Variants in MAP3K12 observed in about 807,000 individuals in gnomAD.
MAP3K12 encodes the protein MAPK-upstream kinase.
A neutral mutation model predicts 87.5 loss-of-function variants in MAP3K12; 14 were observed. The ratio of observed to expected loss-of-function variants is 0.16; its 90% CI spans 0.11 to 0.25. The LOEUF (loss-of-function observed/expected upper bound fraction) is 0.25, where lower values mean the gene tolerates loss of function less well. MAP3K12 is among the 10% of genes least tolerant of loss of function. The pLI, the probability that MAP3K12 is intolerant of heterozygous loss-of-function variation, is 1.00. For synonymous variants in MAP3K12, 469 were observed against 452.5 expected, an observed-to-expected ratio of 1.04 and a Z score of -0.46; for missense variants, 802 against 1,140.4, an observed-to-expected ratio of 0.70 and a Z score of 4.27.
chr12:53,488,788 T>C (rs1457864662), intron 1 of MAP3K12, among the ~76,000 whole-genome samples: 1 of 151,860 alleles, frequency 6.6e-6, no homozygotes, highest in African/African-American at 2.4e-5. Context: ...GCTCAAGAGT[T>C]TGAGACCTTG....
Position 53,485,999 on chromosome 12 carries a change from A to T in MAP3K12, c.821+57T>A, listed in dbSNP as rs534872896. The T allele has an allele frequency of 1.5e-4, 235 of 1,518,206 alleles. 1 individual carries two copies. The African/African-American group carries it at 2.5e-3, about 16-fold the overall frequency. 94.0% of individuals were successfully genotyped at this position (1,518,206 alleles called of 1,614,324 possible). A position where few individuals can be genotyped will look rare whatever the true frequency, so the allele number is the denominator to read the frequency against. On this transcript the variant is annotated intron_variant, in intron 4 of 13. Coordinates refer to ENST00000547488, the MANE Select transcript of MAP3K12 (RefSeq NM_001193511.2). ...GGTTTGGAAGCCGGGAGAAGGCCAC[A>T]CTGACTTGAGTGGGTCACCTGCATG...
rs763521740 is a variant in MAP3K12, at chr12:53,482,040, C to T, written c.2481G>A (p.Gln827=). The change falls in exon 13 of 14, where the codon CAG becomes CAA. Residue 827 remains glutamine (Q), a synonymous_variant. Transcript: ENST00000547488. ...PDERSDDMCS[Q]GSEIPLDPPP... is the part of the protein sequence containing the mutation. Reference sequence around the variant, plus strand: ...GTGGGTCCAGTGGGATTTCTGAGCCCTGGGAGCACATGTCATCAGACCGCT... The same window carrying T: ...GTGGGTCCAGTGGGATTTCTGAGCCTTGGGAGCACATGTCATCAGACCGCT... 1.2e-6 allele frequency: 2 copies of T among 1,614,046 alleles called. No homozygotes were observed. The highest frequency in any genetic ancestry group is 8.5e-7 in the Non-Finnish European group (1 of 1,180,036).
chr12:53,480,355 C>T lies in MAP3K12; in HGVS notation c.*827G>A, dbSNP rs1942969812. On this transcript the variant is annotated 3_prime_UTR_variant, in exon 14 of 14. Coordinates refer to ENST00000547488, the MANE Select transcript of MAP3K12 (RefSeq NM_001193511.2). The stretch of plus-strand genomic sequence containing the variant: ...GAAAGTTGGGGCTTGACATTATACT[C>T]ATTTAGTGAGAGTAGATGCAAAAAA... 1 of 152,284 alleles carries T rather than the reference C, an allele frequency of 6.6e-6. No homozygotes were observed. Among genetic ancestry groups the T allele is most frequent in the South Asian group, 2.1e-4 (1 of 4,824 alleles). 9.4% of individuals were successfully genotyped at this position (152,284 alleles called of 1,614,324 possible).
chr12:53,488,786 G>A (rs986042748), intron 1 of MAP3K12, among the ~76,000 whole-genome samples: 1 of 152,104 alleles, frequency 6.6e-6, no homozygotes, highest in Non-Finnish European at 1.5e-5. Context: ...GAGCTCAAGA[G>A]TTTGAGACCT....
Position 53,480,174 on chromosome 12 carries a change from G to C in MAP3K12, c.*1008C>G, listed in dbSNP as rs771734700. 6.6e-5 allele frequency: 10 copies of C among 152,186 alleles called. No homozygotes were observed. The highest frequency in any genetic ancestry group is 1.5e-4 in the Non-Finnish European group (10 of 68,036). The allele number at this position is 152,186 out of a possible 1,614,324, so 9.4% of individuals were successfully genotyped here. A position where few individuals can be genotyped will look rare whatever the true frequency, so the allele number is the denominator to read the frequency against. ...ACATTAAGCAGTTGATCATATGTCT[G>C]ACTGGGTTCCAGTTTCTTGGGAATG... On this transcript the variant is annotated 3_prime_UTR_variant, in exon 14 of 14. Coordinates refer to ENST00000547488, the MANE Select transcript of MAP3K12 (RefSeq NM_001193511.2).
chr12:53,491,301 A>AAAAAAAAAAAAAAG (rs796169121), intron 1 of MAP3K12, among the ~76,000 whole-genome samples: 1,517 of 101,258 alleles, frequency 0.015, 150 homozygotes, highest in African/African-American at 0.037. Context: ...AAAAAAAAAA[A>AAAAAAAAAAAAAAG]AAAAGAAAAG....
At position 53,484,032 on chromosome 12, in the gene MAP3K12, G is replaced by A. The variant is rs777608401; in HGVS notation, c.1249-12C>T. 4 of 1,612,490 alleles carry A rather than the reference G, an allele frequency of 2.5e-6. No homozygotes were observed. The South Asian group carries it at 4.4e-5, about 18-fold the overall frequency. On this transcript the variant is annotated splice_polypyrimidine_tract_variant and intron_variant, in intron 7 of 13. Coordinates refer to ENST00000547488, the MANE Select transcript of MAP3K12 (RefSeq NM_001193511.2). Reference sequence around the variant, plus strand: ...TCCCGCCACTCTGCCTATGGGTTGAGAGCAGATGAAGAGTGAGAGCCATCC... The same window carrying A: ...TCCCGCCACTCTGCCTATGGGTTGAAAGCAGATGAAGAGTGAGAGCCATCC...
intron 1 of MAP3K12, among the ~76,000 whole-genome samples, chr12:53,491,007 G>A (rs985436013): frequency 5.9e-5 from 9 of 152,016 alleles, no homozygotes; most frequent in African/African-American, 1.9e-4. Context: ...GAAGGCTTAC[G>A]GCTGGGCGTA....
chr12:53,487,285 C>T lies in MAP3K12; in HGVS notation c.107G>A (p.Cys36Tyr). ...AGGCGTCAGGTCCTTCTCGGGAGTG[C>T]AGTCAGAAGTGTCTGGGTCCAGCTT... Reference protein sequence around the residue: ...MRKLDPDTSDCTPEKDLTPTQ... With the variant: ...MRKLDPDTSDYTPEKDLTPTQ... Residue 36 changes from cysteine to tyrosine, a missense_variant, in exon 2 of 14, where the codon TGC becomes TAC. This residue lies in a region of MAP3K12 where 135 missense variants were observed against 151.6 expected (regional missense o/e 0.89). Coordinates refer to ENST00000547488, the MANE Select transcript of MAP3K12 (RefSeq NM_001193511.2). 1 of 1,613,986 alleles carries T rather than the reference C, an allele frequency of 6.2e-7. No homozygotes were observed. The highest frequency in any genetic ancestry group is 8.5e-7 in the Non-Finnish European group (1 of 1,179,980).
At chr12:53,501,478 C>T (rs1383155468), upstream of MAP3K12, 3 of 1,560,824 alleles carry the variant, frequency 1.9e-6, no homozygotes, top group East Asian at 7.2e-5. Context: ...CGTCTCGTAC[C>T]GATTCCTTCA....
At chr12:53,501,414 T>G, upstream of MAP3K12, 4 of 1,565,118 alleles carry the variant, frequency 2.6e-6, no homozygotes, top group Non-Finnish European at 3.5e-6. Flanking sequence ...AGGGAATGAG[T>G]GAAGAGGAGC....
chr12:53,483,108 C>T lies in MAP3K12; in HGVS notation c.1695G>A (p.Lys565=), dbSNP rs1288812112. 6 of 1,523,748 alleles carry T rather than the reference C, an allele frequency of 3.9e-6. No individual in the cohort carries two copies. The highest frequency in any genetic ancestry group is 1.4e-5 in the African/African-American group (1 of 71,722). 94.4% of individuals were successfully genotyped at this position (1,523,748 alleles called of 1,614,324 possible). ...LSGVGLPGCP[K]GPPSPGRSRR... is the part of the protein sequence containing the mutation. ...GACTCCGTCCTGGTGAGGGGGGGCCCTTAGGACACCCAGGAAGCCCCACCC... is the reference window on the plus strand; with the variant it reads ...GACTCCGTCCTGGTGAGGGGGGGCCTTTAGGACACCCAGGAAGCCCCACCC... The change falls in exon 11 of 14, where the codon AAG becomes AAA. Residue 565 remains lysine (K), a synonymous_variant. Coordinates refer to ENST00000547488, the MANE Select transcript of MAP3K12 (RefSeq NM_001193511.2).
In MAP3K12 at chr12:53,491,344, T is replaced by A. The variant is rs1943398320; in HGVS notation, c.-37-3916A>T. 2.0e-5 allele frequency among the ~76,000 whole-genome samples: 3 copies of A among 150,144 alleles called. No homozygotes were observed. The South Asian group carries it at 6.3e-4, about 32-fold the overall frequency. On this transcript the variant is annotated intron_variant, in intron 1 of 13. Coordinates refer to ENST00000547488, the MANE Select transcript of MAP3K12 (RefSeq NM_001193511.2). ...AAACAGGCTTACTAAGTATGTTAGC[T>A]TCTGGTAAAGGTGCATTAGCACTTT...
chr12:53,485,702 C>T, intron 4 of MAP3K12: 1 of 557,674 alleles, frequency 1.8e-6, no homozygotes, highest in Non-Finnish European at 3.2e-6. Flanking sequence ...ACTACGGGCA[C>T]TCGCCACCAC....
chr12:53,484,952 CTT>C, intron 6 of MAP3K12, 102 bp downstream of exon 6: 2 of 1,433,068 alleles, frequency 1.4e-6, no homozygotes, highest in Non-Finnish European at 1.9e-6. Flanking sequence ...AAGTCAGTCT[CTT>C]TGAATTAAAT....
upstream of MAP3K12, chr12:53,500,117 C>A (rs1300769557): frequency 6.6e-6 from 1 of 152,256 alleles, no homozygotes; most frequent in Non-Finnish European, 1.5e-5. Flanking sequence ...GGACCTCCAA[C>A]CCCGGCTCAG....
rs762762233 is a variant in MAP3K12 at position 53,482,862 on chromosome 12, C to T, written c.1941G>A (p.Leu647=). 4.3e-6 allele frequency: 7 copies of T among 1,612,960 alleles called. No individual in the cohort carries two copies. Among genetic ancestry groups the T allele is most frequent in the Non-Finnish European group, 4.2e-6 (5 of 1,179,610 alleles). The change falls in exon 11 of 14, where the codon CTG becomes CTA. Residue 647 remains leucine, a synonymous_variant. Transcript: ENST00000547488. ...GGCCCCGGGACCCTAGTGCTGCTGA[C>T]AGCAGGTCTGGGGACGATGAAGACA... ...RKMSSSSPDL[L]SAALGSRGRG... is the part of the protein sequence containing the mutation.
At chr12:53,493,159 G>A (rs914807967) in intron 1 of MAP3K12, 3 of 152,448 alleles carry the variant, frequency 2.0e-5, no homozygotes, top group Admixed American at 6.5e-5. Flanking sequence ...CTGGGCCTGA[G>A]GCGGCGCGTG....
Position 53,483,899 on chromosome 12 carries a change from AC to A in MAP3K12, c.1358+11del. On this transcript the variant is annotated intron_variant, in intron 8 of 13. Transcript: ENST00000547488. ...TGTTAGTAAAATCACCTCCCCAAGC[AC>A]GGGAACTCACCTGAGCTCCTCCCTC... The A allele has an allele frequency of 6.2e-7, 1 of 1,613,432 alleles. No individual in the cohort carries two copies. Among genetic ancestry groups the A allele is most frequent in the Non-Finnish European group, 8.5e-7 (1 of 1,179,446 alleles).
Sources: allele counts gnomAD v4.1 joint callset (sites outside exome capture counted in the v4.1 genomes callset), GRCh38; gene constraint gnomAD v4.1.1; regional missense constraint gnomAD v4.1.1; transcripts MANE v1.5; gene names NCBI Gene and HGNC (gene_info 2026-07-23, HGNC 2026-07-21).